The following CSNK2A1 variants were observed in gnomAD, a reference collection of about 807,000 sequenced individuals.
CSNK2A1 encodes casein kinase 2 alpha 1, also known as casein kinase II subunit alpha.
CSNK2A1 carries 10 observed loss-of-function variants against 62.9 expected under a neutral mutation model. The observed-to-expected ratio is 0.16, with a 90% CI of 0.10 to 0.27. CSNK2A1 has a LOEUF of 0.27. Among genes scored for constraint, CSNK2A1 ranks in the 10% least tolerant of loss-of-function variants. The probability of loss-of-function intolerance (pLI) is 1.00; values close to 1 mark genes in which losing one functional copy is unlikely to be tolerated. For missense variants in CSNK2A1, 160 were observed against 492.0 expected (o/e 0.33, Z 6.38); for synonymous variants, 124 against 167.8 (o/e 0.74, Z 2.02).
chr20:542,594 G>A (rs1051471022), intron 1 of CSNK2A1, among the ~76,000 whole-genome samples: 5 of 152,084 alleles, frequency 3.3e-5, no homozygotes, highest in Non-Finnish European at 7.4e-5. Context: ...CACCAAGCCC[G>A]GCTGATATTT....
Position 483,880 on chromosome 20 carries a change from C to G in CSNK2A1, c.*81G>C, listed in dbSNP as rs1295837991. 7.0e-6 allele frequency: 10 copies of G among 1,420,778 alleles called. No individual in the cohort carries two copies. In the Admixed American group the frequency reaches 8.2e-5, roughly 12 times the overall value. The allele number at this position is 1,420,778 out of a possible 1,614,324, so 88.0% of individuals were successfully genotyped here. ...ACGGTGCTTCTGAAGTGTTTCACCCCTCCCCGCCAGGCGCAAGCTGCATCA... is the reference window on the plus strand; with the variant it reads ...ACGGTGCTTCTGAAGTGTTTCACCCGTCCCCGCCAGGCGCAAGCTGCATCA... On this transcript the variant is annotated 3_prime_UTR_variant, in exon 14 of 14. Coordinates refer to ENST00000217244, the MANE Select transcript of CSNK2A1 (RefSeq NM_177559.3).
chr20:502,104 G>A (rs1474389904), intron 4 of CSNK2A1: 4 of 152,128 alleles, frequency 2.6e-5, no homozygotes, highest in South Asian at 2.1e-4. Flanking sequence ...GACTATACTC[G>A]CCTGTTAGTG....
Position 499,176 on chromosome 20 carries a change from G to A in CSNK2A1, c.366+79C>T. ...CTTTTTAAAAACAAATGCGAAGCAAGCTCTTCTAACAGCATCATCCCCAAA... is the reference window on the plus strand; with the variant it reads ...CTTTTTAAAAACAAATGCGAAGCAAACTCTTCTAACAGCATCATCCCCAAA... On this transcript the variant is annotated intron_variant, in intron 6 of 13. Transcript: ENST00000217244. This position sits in a 1 kb window ranked among gnomAD's most constrained non-coding sequence, Gnocchi z 4.2. The A allele has an allele frequency of 4.1e-6, 5 of 1,220,798 alleles. No individual in the cohort carries two copies. Among genetic ancestry groups the A allele is most frequent in the Non-Finnish European group, 5.5e-6 (5 of 907,784 alleles). 75.6% of individuals were successfully genotyped at this position (1,220,798 alleles called of 1,614,324 possible).
At chr20:525,455 A>G (rs2019060910) in intron 2 of CSNK2A1, among the ~76,000 whole-genome samples, 2 of 151,350 alleles carry the variant, frequency 1.3e-5, no homozygotes, top group Non-Finnish European at 2.9e-5. Flanking sequence ...GATCGAGACC[A>G]CCCTGGCTAA....
In CSNK2A1 at chr20:475,217, T is replaced by C. The variant is rs2017823738; in HGVS notation, c.*8744A>G. The C allele has an allele frequency of 6.6e-6, 1 of 152,130 alleles. No individual in the cohort carries two copies. Among genetic ancestry groups the C allele is most frequent in the Non-Finnish European group, 1.5e-5 (1 of 68,010 alleles). 9.4% of individuals were successfully genotyped at this position (152,130 alleles called of 1,614,324 possible). The stretch of plus-strand genomic sequence containing the variant: ...CTCACGCCTATAATCTCAGCACTTT[T>C]GGAGGCCGAGGCAGGCAGATTACTT... On this transcript the variant is annotated 3_prime_UTR_variant, in exon 14 of 14. Coordinates refer to ENST00000217244, the MANE Select transcript of CSNK2A1 (RefSeq NM_177559.3).
At chr20:496,006 T>C in intron 7 of CSNK2A1, 1 of 521,256 alleles carries the variant, frequency 1.9e-6, no homozygotes, top group Non-Finnish European at 3.5e-6. Flanking sequence ...TTAGAGATCT[T>C]TTTCTGACAC....
intron 1 of CSNK2A1, chr20:540,000 G>A (rs1205454226): frequency 6.6e-6 from 1 of 152,290 alleles, no homozygotes; most frequent in East Asian, 1.9e-4. Flanking sequence ...CAAAATCTAG[G>A]GAATCTCCAT....
At chr20:534,201 G>A (rs1245883491) in intron 1 of CSNK2A1, among the ~76,000 whole-genome samples, 1 of 152,170 alleles carries the variant, frequency 6.6e-6, no homozygotes, top group African/African-American at 2.4e-5. Context: ...ACTAAGTGGT[G>A]GAAGCCAGAT....
At chr20:495,294 A>C (rs1458295817) in intron 8 of CSNK2A1, 1 of 162,660 alleles carries the variant, frequency 6.1e-6, no homozygotes, top group African/African-American at 2.4e-5. Flanking sequence ...ACATCCAATA[A>C]ACAGAAACAG....
intron 8 of CSNK2A1, chr20:494,383 G>A (rs2018302949): frequency 6.6e-6 from 1 of 152,096 alleles, no homozygotes; most frequent in East Asian, 1.9e-4. Flanking sequence ...CTTTTGTGTG[G>A]ACCTAAGATT....
chr20:505,038 A>C, intron 4 of CSNK2A1, 80 bp downstream of exon 4: 1 of 1,249,716 alleles, frequency 8.0e-7, no homozygotes. Context: ...AACCTTTTAA[A>C]TGCTGTTTTA....
intron 7 of CSNK2A1, 53 bp downstream of exon 7, chr20:497,664 CTATT>C: frequency 2.1e-6 from 3 of 1,413,696 alleles, no homozygotes; most frequent in East Asian, 2.3e-5. Context: ...CATCAATTGA[CTATT>C]TAACAAAAAG....
intron 9 of CSNK2A1, among the ~76,000 whole-genome samples, chr20:491,491 ACTTT>A (rs2018234141): frequency 6.6e-6 from 1 of 152,014 alleles, no homozygotes; most frequent in Non-Finnish European, 1.5e-5. Flanking sequence ...ACATAGTGAG[ACTTT>A]CTCTCTACAC....
In CSNK2A1 at chr20:484,640, T is replaced by C. The variant is rs906781473; in HGVS notation, c.1061-564A>G. On this transcript the variant is annotated intron_variant, in intron 13 of 13. Coordinates refer to ENST00000217244, the MANE Select transcript of CSNK2A1 (RefSeq NM_177559.3). ...GGAAAGAGCATTTTCTAAGATAAAA[T>C]TGTGTTTTGGAATTTATTTCCATTT... 3.9e-5 allele frequency among the ~76,000 whole-genome samples: 6 copies of C among 152,052 alleles called. No homozygotes were observed. The East Asian group carries it at 5.8e-4, about 15-fold the overall frequency.
chr20:518,933 C>CTTT (rs796982756), intron 2 of CSNK2A1, among the ~76,000 whole-genome samples: 2 of 123,704 alleles, frequency 1.6e-5, no homozygotes, highest in Non-Finnish European at 3.5e-5. Flanking sequence ...GTTGGATATA[C>CTTT]TTTTTTTTTT....
intron 2 of CSNK2A1, among the ~76,000 whole-genome samples, chr20:523,589 G>C (rs1049943787): frequency 6.6e-6 from 1 of 152,098 alleles, no homozygotes; most frequent in African/African-American, 2.4e-5. Context: ...TGACATTCAC[G>C]AAAAGATAAA....
At chr20:511,725 CA>C (rs1431578069) in intron 2 of CSNK2A1, among the ~76,000 whole-genome samples, 5 of 152,008 alleles carry the variant, frequency 3.3e-5, no homozygotes, top group South Asian at 2.1e-4. Context: ...CACACACACA[CA>C]CACACCACAT....
At chr20:535,916 A>T (rs949370395) in intron 1 of CSNK2A1, among the ~76,000 whole-genome samples, 9 of 152,164 alleles carry the variant, frequency 5.9e-5, no homozygotes, top group Admixed American at 5.9e-4. Context: ...ACATATCCCT[A>T]ACACACAATA....
At chr20:503,872 G>A (rs2018519474) in intron 4 of CSNK2A1, among the ~76,000 whole-genome samples, 1 of 152,066 alleles carries the variant, frequency 6.6e-6, no homozygotes, top group South Asian at 2.1e-4. Context: ...TGGCTACCAA[G>A]TTGCTAAGAT....
Sources: allele counts gnomAD v4.1 joint callset (sites outside exome capture counted in the v4.1 genomes callset), GRCh38; gene constraint gnomAD v4.1.1; non-coding constraint Gnocchi (gnomAD v3.1); transcripts MANE v1.5; gene names NCBI Gene and HGNC (gene_info 2026-07-23, HGNC 2026-07-21).